OPCML: variants seen among roughly 807,000 people sequenced by gnomAD.
OPCML encodes opioid-binding protein/cell adhesion molecule.
Under a neutral mutation model 37.8 loss-of-function variants are expected in OPCML, and 13 were observed. The observed-to-expected ratio is 0.34, with a 90% CI of 0.22 to 0.55. OPCML has a LOEUF of 0.55. Ranked by LOEUF, OPCML falls within the 20% of genes least tolerant of loss-of-function variation. The pLI is 0.91. For synonymous variants in OPCML, 176 were observed against 168.8 expected (o/e 1.04, Z -0.33); for missense variants, 341 against 435.6 (o/e 0.78, Z 1.93).
chr11:133,213,157 C>G (rs1939435197), intron 1 of OPCML, among the ~76,000 whole-genome samples: 1 of 151,674 alleles, frequency 6.6e-6, no homozygotes, highest in Non-Finnish European at 1.5e-5. Context: ...CCCACACACC[C>G]TGATGAGTTA....
chr11:133,507,816 G>A lies in OPCML; in HGVS notation c.61+24448C>T, dbSNP rs148818567. 6.8e-3 allele frequency among the ~76,000 whole-genome samples: 1,034 copies of A among 151,982 alleles called. 12 individuals are homozygous for A. The highest frequency in any genetic ancestry group is 0.01 in the Middle Eastern group (3 of 290). On this transcript the variant is annotated intron_variant, in intron 1 of 7. Coordinates refer to ENST00000524381, the MANE Select transcript of OPCML (RefSeq NM_001012393.5). ...ACAAAAGTTAGCCAGGCGTGGTGAC[G>A]GGCCCCTGTAATCCCAGCTACTTGG...
At chr11:133,001,725 A>G (rs1276986411) in intron 1 of OPCML, among the ~76,000 whole-genome samples, 1 of 152,222 alleles carries the variant, frequency 6.6e-6, no homozygotes, top group Non-Finnish European at 1.5e-5. Context: ...GGGAACTGGG[A>G]TTAAAACCCA....
At chr11:133,214,067 C>T (rs1460627763) in intron 1 of OPCML, among the ~76,000 whole-genome samples, 1 of 151,842 alleles carries the variant, frequency 6.6e-6, no homozygotes, top group Non-Finnish European at 1.5e-5. Flanking sequence ...TACAATCTTT[C>T]CTTGAAATAA....
intron 3 of OPCML, among the ~76,000 whole-genome samples, chr11:132,532,652 G>A (rs74710136): frequency 6.6e-6 from 1 of 151,958 alleles, no homozygotes; most frequent in Non-Finnish European, 1.5e-5. Context: ...ATCCAGAAGC[G>A]TTCATGCATT....
In OPCML at chr11:132,575,465, A is replaced by G. The variant is rs1372552166; in HGVS notation, c.380-46279T>C. On this transcript the variant is annotated intron_variant, in intron 3 of 7. Coordinates refer to ENST00000524381, the MANE Select transcript of OPCML (RefSeq NM_001012393.5). ...CTTGGAGCTTACACAAGACATAGACATAAGAGTCTAATTTAAGCTGATAAC... is the reference window on the plus strand; with the variant it reads ...CTTGGAGCTTACACAAGACATAGACGTAAGAGTCTAATTTAAGCTGATAAC... 1.1e-4 allele frequency among the ~76,000 whole-genome samples: 16 copies of G among 152,210 alleles called. No homozygotes were observed. In the East Asian group the frequency reaches 1.2e-3, roughly 11 times the overall value.
At chr11:132,568,416 C>A (rs2096429402) in intron 3 of OPCML, among the ~76,000 whole-genome samples, 1 of 152,156 alleles carries the variant, frequency 6.6e-6, no homozygotes, top group Non-Finnish European at 1.5e-5. Context: ...TACCTCAGAA[C>A]CTCAGTATAT....
chr11:133,435,903 C>T (rs1331967025), intron 1 of OPCML, among the ~76,000 whole-genome samples: 1 of 152,218 alleles, frequency 6.6e-6, no homozygotes, highest in Non-Finnish European at 1.5e-5. Flanking sequence ...TAAGAGGGAT[C>T]TAATTTCAGC....
At chr11:132,723,484 A>G (rs1419941152) in intron 2 of OPCML, among the ~76,000 whole-genome samples, 3 of 152,240 alleles carry the variant, frequency 2.0e-5, no homozygotes, top group Non-Finnish European at 4.4e-5. Context: ...TGTAAAAAAT[A>G]GAAGAGCCAG....
chr11:133,118,845 C>T (rs1949378202), intron 1 of OPCML, among the ~76,000 whole-genome samples: 2 of 152,286 alleles, frequency 1.3e-5, no homozygotes, highest in South Asian at 4.2e-4. Flanking sequence ...AAAGTGCCCT[C>T]CTGCACAGAC....
intron 3 of OPCML, among the ~76,000 whole-genome samples, chr11:132,602,805 A>G (rs944308503): frequency 2.6e-5 from 4 of 152,236 alleles, no homozygotes; most frequent in Admixed American, 1.3e-4. Context: ...CCAGCAATGC[A>G]GTAAAAGGAA....
At chr11:133,316,429 G>A (rs911095573) in intron 1 of OPCML, among the ~76,000 whole-genome samples, 3 of 152,134 alleles carry the variant, frequency 2.0e-5, no homozygotes, top group African/African-American at 7.2e-5. Flanking sequence ...GTTGAAGAAT[G>A]AGAACACATG....
chr11:133,191,483 TTTTTC>T (rs1214180493), intron 1 of OPCML, among the ~76,000 whole-genome samples: 1 of 148,536 alleles, frequency 6.7e-6, no homozygotes, highest in Non-Finnish European at 1.5e-5. Context: ...TTTCTGTATC[TTTTTC>T]TTTTCTGTGT....
At position 132,481,812 on chromosome 11, in the gene OPCML, A is replaced by C. The variant is rs1350036930; in HGVS notation, c.506-44453T>G. Among the ~76,000 whole-genome samples, 16 of 151,066 alleles carry C rather than the reference A, an allele frequency of 1.1e-4. 1 individual carries two copies. In the South Asian group the frequency reaches 3.3e-3, roughly 31 times the overall value. ...ATGGAAACTGAACAACCCGCTCCTGAATGACTACTGGGTACATAACGAAAT... is the reference window on the plus strand; with the variant it reads ...ATGGAAACTGAACAACCCGCTCCTGCATGACTACTGGGTACATAACGAAAT... On this transcript the variant is annotated intron_variant, in intron 4 of 7. Coordinates refer to ENST00000524381, the MANE Select transcript of OPCML (RefSeq NM_001012393.5).
At chr11:133,062,922 G>A (rs778059240) in intron 1 of OPCML, among the ~76,000 whole-genome samples, 24 of 152,358 alleles carry the variant, frequency 1.6e-4, no homozygotes, top group African/African-American at 4.6e-4. Context: ...CAGCTGCAGC[G>A]CTGGGGACTG....
chr11:133,147,970 C>T (rs1358675586), intron 1 of OPCML, among the ~76,000 whole-genome samples: 1 of 152,202 alleles, frequency 6.6e-6, no homozygotes. Flanking sequence ...TCTCTCATCC[C>T]TCCCCACCCC....
chr11:133,120,014 T>C (rs1949396631), intron 1 of OPCML, among the ~76,000 whole-genome samples: 1 of 152,166 alleles, frequency 6.6e-6, no homozygotes, highest in African/African-American at 2.4e-5. Flanking sequence ...GCCTGTTCAC[T>C]GCTTTGGGCC....
chr11:133,519,196 C>T (rs1948351308), intron 1 of OPCML, among the ~76,000 whole-genome samples: 2 of 152,242 alleles, frequency 1.3e-5, no homozygotes, highest in South Asian at 4.1e-4. Context: ...ATTCCTAGTC[C>T]CACTTTCTTC....
At chr11:133,230,798 G>A (rs555009260) in intron 1 of OPCML, among the ~76,000 whole-genome samples, 4 of 152,156 alleles carry the variant, frequency 2.6e-5, no homozygotes, top group South Asian at 2.1e-4. Context: ...GCAAAGTGCC[G>A]CATTTCCATG....
intron 2 of OPCML, among the ~76,000 whole-genome samples, chr11:132,903,230 C>A (rs1337265935): frequency 6.6e-6 from 1 of 152,124 alleles, no homozygotes; most frequent in Non-Finnish European, 1.5e-5. Context: ...ACAAAGAGGG[C>A]AGAAGGGAAG....
Sources: gnomAD v4.1 joint callset for allele counts (sites outside exome capture counted in the v4.1 genomes callset) on GRCh38, gnomAD v4.1.1 for gene constraint, MANE v1.5 for transcripts, NCBI Gene and HGNC (gene_info 2026-07-23, HGNC 2026-07-21) for gene names.